GAS2: variants seen among roughly 807,000 people sequenced by gnomAD.
GAS2 encodes growth arrest specific 2.
In GAS2, 20 loss-of-function variants were observed where a neutral mutation model predicts 37.5. The observed-to-expected ratio is 0.53, with a 90% CI of 0.37 to 0.77. GAS2 has a LOEUF of 0.77. Among genes scored for constraint, GAS2 ranks in the 30% least tolerant of loss-of-function variants. The probability of loss-of-function intolerance (pLI) is 0.00; values close to 1 mark genes in which losing one functional copy is unlikely to be tolerated. For missense variants in GAS2, 336 were observed against 373.4 expected, an observed-to-expected ratio of 0.90 and a Z score of 0.82; for synonymous variants, 144 against 132.2, an observed-to-expected ratio of 1.09 and a Z score of -0.61.
intron 3 of GAS2, among the ~76,000 whole-genome samples, chr11:22,712,931 A>G (rs759605034): frequency 6.6e-6 from 1 of 151,954 alleles, no homozygotes; most frequent in Non-Finnish European, 1.5e-5. Context: ...ACAAAAAAGT[A>G]GCCAGGCATG....
At chr11:22,762,566 A>G (rs1854452694) in intron 7 of GAS2, among the ~76,000 whole-genome samples, 1 of 152,100 alleles carries the variant, frequency 6.6e-6, no homozygotes, top group Non-Finnish European at 1.5e-5. Flanking sequence ...AATAATCCAT[A>G]CCTTTTATAA....
intron 3 of GAS2, among the ~76,000 whole-genome samples, chr11:22,687,806 A>G (rs1022763900): frequency 6.6e-6 from 1 of 152,218 alleles, no homozygotes; most frequent in Non-Finnish European, 1.5e-5. Context: ...AAAGCAATGA[A>G]CAGAGGGAAA....
chr11:22,711,640 G>T (rs759801165), intron 3 of GAS2, among the ~76,000 whole-genome samples: 1 of 152,178 alleles, frequency 6.6e-6, no homozygotes, highest in Non-Finnish European at 1.5e-5. Flanking sequence ...AAGCTGCCTG[G>T]ATATAAACTC....
At chr11:22,652,917 G>T (rs141689573) in intron 1 of GAS2, among the ~76,000 whole-genome samples, 33 of 151,108 alleles carry the variant, frequency 2.2e-4, no homozygotes, top group Admixed American at 5.3e-4. Context: ...AGACCGGAGC[G>T]GTTCCTATTC....
chr11:22,671,175 A>T (rs956177990), intron 1 of GAS2, among the ~76,000 whole-genome samples: 1 of 151,956 alleles, frequency 6.6e-6, no homozygotes, highest in African/African-American at 2.4e-5. Context: ...CATCATATTC[A>T]TAATTGTTAT....
chr11:22,688,728 A>T (rs1180038216), intron 3 of GAS2, among the ~76,000 whole-genome samples: 1 of 152,146 alleles, frequency 6.6e-6, no homozygotes. Flanking sequence ...ATAAAGCTAA[A>T]TTTTTTTCTG....
At chr11:22,665,577 A>G (rs1848970974), upstream of GAS2, among the ~76,000 whole-genome samples, 1 of 152,190 alleles carries the variant, frequency 6.6e-6, no homozygotes, top group Admixed American at 6.5e-5. Flanking sequence ...TCTTTTAGAA[A>G]GCTAAGGAGG....
At chr11:22,647,042 A>C (rs1463794715) in intron 1 of GAS2, among the ~76,000 whole-genome samples, 5 of 151,344 alleles carry the variant, frequency 3.3e-5, no homozygotes, top group Admixed American at 6.6e-5. Flanking sequence ...ATCTAGCATT[A>C]GGTATATCTC....
chr11:22,684,807 C>G (rs914682737), intron 2 of GAS2, among the ~76,000 whole-genome samples: 1 of 152,162 alleles, frequency 6.6e-6, no homozygotes, highest in African/African-American at 2.4e-5. Flanking sequence ...CGAGCTCAAG[C>G]AATCCACCTA....
At chr11:22,781,091 G>A (rs1855536554) in intron 7 of GAS2, among the ~76,000 whole-genome samples, 4 of 152,140 alleles carry the variant, frequency 2.6e-5, no homozygotes, top group Non-Finnish European at 4.4e-5. Context: ...TCAGAGTAGA[G>A]GCAGACAATT....
chr11:22,651,363 A>G, intron 1 of GAS2, among the ~76,000 whole-genome samples: 1 of 152,008 alleles, frequency 6.6e-6, no homozygotes. Context: ...TTTTTCCTTC[A>G]TTTCAAGTTT....
chr11:22,757,743 T>A (rs1854128406), intron 7 of GAS2, among the ~76,000 whole-genome samples: 1 of 152,214 alleles, frequency 6.6e-6, no homozygotes, highest in Admixed American at 6.5e-5. Context: ...GATAAATTTC[T>A]GTCACTGCCT....
chr11:22,699,971 C>G (rs1040366220), intron 3 of GAS2, among the ~76,000 whole-genome samples: 6 of 152,126 alleles, frequency 3.9e-5, no homozygotes, highest in Non-Finnish European at 8.8e-5. Context: ...AATTAATATG[C>G]TCTTACCTAA....
chr11:22,651,176 G>A (rs1848770775), intron 1 of GAS2, among the ~76,000 whole-genome samples: 1 of 151,238 alleles, frequency 6.6e-6, no homozygotes, highest in Non-Finnish European at 1.5e-5. Context: ...CTTCACTTAT[G>A]AAGCTTAGTT....
At chr11:22,653,006 T>TCTTTCTTTCTTTC (rs1554965882) in intron 1 of GAS2, among the ~76,000 whole-genome samples, 90 of 83,040 alleles carry the variant, frequency 1.1e-3, no homozygotes, top group Non-Finnish European at 1.7e-3. Context: ...TTTCTTTCTT[T>TCTTTCTTTCTTTC]CTTTCTTTCT....
chr11:22,810,023 A>G (rs1406269037), intron 7 of GAS2, among the ~76,000 whole-genome samples: 1 of 152,166 alleles, frequency 6.6e-6, no homozygotes, highest in African/African-American at 2.4e-5. Flanking sequence ...TGTTACTGAA[A>G]TGTCAGAGGT....
intron 2 of GAS2, among the ~76,000 whole-genome samples, chr11:22,682,658 T>A (rs1849735615): frequency 6.6e-6 from 1 of 151,824 alleles, no homozygotes; most frequent in Non-Finnish European, 1.5e-5. Context: ...GGCGGGCAGA[T>A]CACTAGGTCA....
chr11:22,793,678 G>GTAT (rs1856290618), intron 7 of GAS2, among the ~76,000 whole-genome samples: 1 of 151,772 alleles, frequency 6.6e-6, no homozygotes, highest in Non-Finnish European at 1.5e-5. Context: ...GAAAGGGGAA[G>GTAT]ATAAAACAAA....
chr11:22,687,347 A>G (rs1325551538), intron 3 of GAS2, among the ~76,000 whole-genome samples: 1 of 152,158 alleles, frequency 6.6e-6, no homozygotes, highest in East Asian at 1.9e-4. Context: ...ATAAAATAAA[A>G]TAATACTGAG....
Sources: allele counts gnomAD v4.1 joint callset (sites outside exome capture counted in the v4.1 genomes callset), GRCh38; gene constraint gnomAD v4.1.1; transcripts MANE v1.5; gene names NCBI Gene and HGNC (gene_info 2026-07-23, HGNC 2026-07-21).